SGK1: variants seen among roughly 807,000 people sequenced by gnomAD.
The protein encoded by SGK1 is serine/threonine-protein kinase Sgk1.
A neutral mutation model predicts 64.2 loss-of-function variants in SGK1; 26 were observed. That is an observed-to-expected ratio of 0.40 (90% confidence interval 0.30 to 0.56). SGK1 has a LOEUF of 0.56. SGK1 is among the 20% of genes least tolerant of loss of function. The pLI is 0.38. For missense variants in SGK1, 519 were observed against 645.6 expected, an observed-to-expected ratio of 0.80 and a Z score of 2.12; for synonymous variants, 265 against 239.7, an observed-to-expected ratio of 1.11 and a Z score of -0.98.
chr6:134,189,313 A>G (rs1247156189), intron 3 of SGK1, among the ~76,000 whole-genome samples: 2 of 151,946 alleles, frequency 1.3e-5, no homozygotes, highest in Non-Finnish European at 2.9e-5. Context: ...CCTAATCATC[A>G]TTTCACAGAA....
chr6:134,180,820 C>T (rs1775318863), intron 3 of SGK1, among the ~76,000 whole-genome samples: 1 of 148,758 alleles, frequency 6.7e-6, no homozygotes, highest in African/African-American at 2.5e-5. Context: ...TTCAGTGAGC[C>T]AAGATCTTGC....
chr6:134,170,851 A>G lies in SGK1; in HGVS notation c.1388T>C (p.Ile463Thr), dbSNP rs769889438. 9 of 1,609,460 alleles carry G rather than the reference A, an allele frequency of 5.6e-6. No homozygotes were observed. Among genetic ancestry groups the G allele is most frequent in the African/African-American group, 2.7e-5 (2 of 74,850 alleles). Residue 463 changes from isoleucine to threonine, a missense_variant, in exon 13 of 14, where the codon ATT becomes ACT. Physicochemically the swap from Ile to Thr is moderately conservative, Grantham distance 89. Around this residue, in one of 2 missense-constraint regions of SGK1, gnomAD observed 278 missense variants for 408.7 expected, o/e 0.68. Transcript: ENST00000367858. ...INWDDLINKK[I>T]TPPFNPNVSG... ...CACATTTGGGTTAAAAGGGGGAGTA[A>G]TCTTCTTATTAATGAGATCATCCCA...
chr6:134,295,287 C>T (rs1777329711), intron 1 of SGK1, among the ~76,000 whole-genome samples: 1 of 152,084 alleles, frequency 6.6e-6, no homozygotes, highest in Non-Finnish European at 1.5e-5. Context: ...GAGAGCTGAG[C>T]CAGGGCCCCA....
intron 1 of SGK1, among the ~76,000 whole-genome samples, chr6:134,290,321 C>T (rs950128878): frequency 1.3e-4 from 18 of 137,318 alleles, no homozygotes; most frequent in African/African-American, 4.9e-4. Context: ...AAGACCCTGC[C>T]TCTAAAAAAA....
At chr6:134,314,502 T>G (rs1777649515) in intron 1 of SGK1, among the ~76,000 whole-genome samples, 1 of 152,244 alleles carries the variant, frequency 6.6e-6, no homozygotes, top group Non-Finnish European at 1.5e-5. Context: ...TATGTGACCT[T>G]GGGCGAATGG....
At chr6:134,217,181 C>A (rs530219271) in intron 2 of SGK1, among the ~76,000 whole-genome samples, 1 of 152,212 alleles carries the variant, frequency 6.6e-6, no homozygotes, top group Non-Finnish European at 1.5e-5. Context: ...GTGTGGAGGG[C>A]AGCTAGAAGA....
chr6:134,233,809 CT>C (rs961526943), intron 2 of SGK1, among the ~76,000 whole-genome samples: 67 of 144,460 alleles, frequency 4.6e-4, no homozygotes, highest in East Asian at 4.0e-4. Flanking sequence ...GATTCTGATT[CT>C]TTTTTTTTTT....
chr6:134,286,870 G>T (rs1249131870), intron 1 of SGK1, among the ~76,000 whole-genome samples: 2 of 152,180 alleles, frequency 1.3e-5, no homozygotes, highest in East Asian at 3.8e-4. Flanking sequence ...TGTAGAAAAA[G>T]ACAAGGACTA....
chr6:134,172,349 A>G (rs1460915016), intron 9 of SGK1, 33 bp from the exon 10 acceptor site: 1 of 1,594,862 alleles, frequency 6.3e-7, no homozygotes, highest in East Asian at 2.2e-5. Flanking sequence ...GTAGTTGCAC[A>G]AGTTAATTTC....
intron 2 of SGK1, among the ~76,000 whole-genome samples, chr6:134,235,741 T>G (rs1027654745): frequency 1.4e-4 from 21 of 151,628 alleles, no homozygotes; most frequent in Admixed American, 9.2e-4. Context: ...CTGGCTAATT[T>G]TTTTTGTATT....
chr6:134,255,273 C>T (rs1489770398), intron 2 of SGK1, among the ~76,000 whole-genome samples: 1 of 152,164 alleles, frequency 6.6e-6, no homozygotes, highest in Non-Finnish European at 1.5e-5. Context: ...CTGATGTTTC[C>T]ATTTTTTCAC....
intron 2 of SGK1, among the ~76,000 whole-genome samples, chr6:134,220,836 G>T (rs1028586724): frequency 2.6e-5 from 4 of 151,868 alleles, no homozygotes; most frequent in Admixed American, 1.3e-4. Flanking sequence ...ACAAAAATTA[G>T]TCAGGCATGG....
chr6:134,234,270 G>A (rs137887449), intron 2 of SGK1, among the ~76,000 whole-genome samples: 5 of 152,106 alleles, frequency 3.3e-5, no homozygotes, highest in African/African-American at 9.6e-5. Flanking sequence ...TGGTGTGGTG[G>A]CATGTGCCTG....
chr6:134,207,051 C>T (rs1438452354), intron 3 of SGK1, among the ~76,000 whole-genome samples: 2 of 151,718 alleles, frequency 1.3e-5, no homozygotes, highest in Non-Finnish European at 2.9e-5. Context: ...CGGTGAAACA[C>T]CATCTCTACT....
Position 134,287,474 on chromosome 6 carries a change from A to G in SGK1, c.70-25326T>C, listed in dbSNP as rs1582765168. Among the ~76,000 whole-genome samples the G allele has an allele frequency of 8.1e-5, 12 of 148,836 alleles. No individual in the cohort carries two copies. In the South Asian group the frequency reaches 2.5e-3, roughly 31 times the overall value. On this transcript the variant is annotated intron_variant, in intron 1 of 13. Coordinates refer to ENST00000367858, the MANE Select transcript of SGK1 (RefSeq NM_001143676.3). ...TTTTTTTTTTTAAGGAAGATTGGTAATTTTGAGTTGTAGGAGTAAGGAATG... is the reference window on the plus strand; with the variant it reads ...TTTTTTTTTTTAAGGAAGATTGGTAGTTTTGAGTTGTAGGAGTAAGGAATG...
intron 1 of SGK1, among the ~76,000 whole-genome samples, chr6:134,290,510 T>C (rs1041942043): frequency 6.6e-6 from 1 of 151,336 alleles, no homozygotes; most frequent in Non-Finnish European, 1.5e-5. Flanking sequence ...ATGGAAGAGA[T>C]GGCACTTGAA....
intron 3 of SGK1, among the ~76,000 whole-genome samples, chr6:134,194,541 C>T (rs1303721570): frequency 2.9e-5 from 4 of 138,332 alleles, no homozygotes; most frequent in Non-Finnish European, 6.1e-5. Flanking sequence ...TTTTTTGAGA[C>T]GGAGTCTCGC....
intron 2 of SGK1, chr6:134,218,732 G>A (rs1344909848): frequency 6.6e-6 from 1 of 152,044 alleles, no homozygotes; most frequent in Non-Finnish European, 1.5e-5. Flanking sequence ...CACTGCACCC[G>A]GTCAGAACTT....
At chr6:134,263,214 C>T (rs1203061757) in intron 1 of SGK1, among the ~76,000 whole-genome samples, 3 of 152,034 alleles carry the variant, frequency 2.0e-5, no homozygotes, top group African/African-American at 4.8e-5. Flanking sequence ...CAATCTAATC[C>T]ATTGCTAAGC....
Sources: allele counts gnomAD v4.1 joint callset (sites outside exome capture counted in the v4.1 genomes callset), GRCh38; gene constraint gnomAD v4.1.1; regional missense constraint gnomAD v4.1.1; transcripts MANE v1.5; gene names NCBI Gene and HGNC (gene_info 2026-07-23, HGNC 2026-07-21).